Variants in U2SURP observed in about 807,000 individuals in gnomAD.
U2SURP encodes the protein U2 snRNP-associated SURP motif-containing protein.
Under a neutral mutation model 144.9 loss-of-function variants are expected in U2SURP, and 9 were observed. The ratio of observed to expected loss-of-function variants is 0.06; its 90% confidence interval spans 0.04 to 0.11. The LOEUF is 0.11. Ranked by LOEUF, U2SURP falls within the 10% of genes least tolerant of loss-of-function variation. The probability of loss-of-function intolerance (pLI) is 1.00; values close to 1 mark genes in which losing one functional copy is unlikely to be tolerated. For synonymous variants in U2SURP, 408 were observed against 396.8 expected (o/e 1.03, Z -0.33); for missense variants, 724 against 1,226.7 (o/e 0.59, Z 6.12).
At chr3:143,052,400 A>AAT (rs143163583) in intron 25 of U2SURP, among the ~76,000 whole-genome samples, 15 of 152,004 alleles carry the variant, frequency 9.9e-5, no homozygotes, top group East Asian at 3.9e-4. Context: ...CTGTCTAAAA[A>AAT]AATAATAATA....
At chr3:143,021,699 A>C (rs1202570993) in intron 10 of U2SURP, 144 bp downstream of exon 10, 1 of 745,844 alleles carries the variant, frequency 1.3e-6, no homozygotes. Flanking sequence ...GGTATGGCCC[A>C]GGTTGTCTTG....
chr3:143,007,935 T>G (rs1321169004), intron 1 of U2SURP, among the ~76,000 whole-genome samples: 1 of 152,220 alleles, frequency 6.6e-6, no homozygotes, highest in Non-Finnish European at 1.5e-5. Flanking sequence ...AAAATTGTGT[T>G]AACTGCTGTT....
intron 5 of U2SURP, 93 bp downstream of exon 5, chr3:143,016,464 T>G: frequency 8.9e-7 from 1 of 1,118,146 alleles, no homozygotes; most frequent in Admixed American, 2.4e-5. Context: ...AGGTAGATAA[T>G]TATGAAAGGA....
intron 4 of U2SURP, among the ~76,000 whole-genome samples, 156 bp from the exon 5 acceptor site, chr3:143,016,101 A>G (rs574595853): frequency 6.6e-5 from 10 of 152,272 alleles, no homozygotes; most frequent in African/African-American, 2.2e-4. Flanking sequence ...ATTAATTAAT[A>G]CTTAATATCT....
intron 24 of U2SURP, among the ~76,000 whole-genome samples, chr3:143,046,815 TTC>T: frequency 7.7e-6 from 1 of 130,716 alleles, no homozygotes; most frequent in South Asian, 2.6e-4. Context: ...TCATGGCCCG[TTC>T]TCAATGAGCT....
At chr3:143,004,252 G>A (rs886747151) in intron 1 of U2SURP, among the ~76,000 whole-genome samples, 1 of 151,512 alleles carries the variant, frequency 6.6e-6, no homozygotes, top group Non-Finnish European at 1.5e-5. Context: ...TAGACATTGG[G>A]AAAATGTTAA....
intron 20 of U2SURP, 122 bp downstream of exon 20, chr3:143,036,226 C>G (rs1261621278): frequency 1.8e-6 from 2 of 1,101,278 alleles, no homozygotes; most frequent in Non-Finnish European, 2.4e-6. Context: ...TATTGCTTAC[C>G]ATTAAGTAGT....
chr3:143,053,592 G>T (rs1398812384), intron 25 of U2SURP, 84 bp from the exon 26 acceptor site: 3 of 932,688 alleles, frequency 3.2e-6, no homozygotes, highest in African/African-American at 3.3e-5. Flanking sequence ...ATTATTTCCT[G>T]TAAGAGAAGA....
chr3:143,034,657 A>C (rs1344253111), intron 18 of U2SURP: 1 of 337,166 alleles, frequency 3.0e-6, no homozygotes, highest in African/African-American at 2.1e-5. Context: ...TCTTGCTCGT[A>C]AAGGGAACTA....
At chr3:143,055,173 C>T (rs951214560) in intron 27 of U2SURP, 54 bp downstream of exon 27, 145 of 1,388,272 alleles carry the variant, frequency 1.0e-4, no homozygotes, top group Middle Eastern at 7.7e-4. Context: ...CTTGTCATTT[C>T]ATCAGCTTTT....
intron 6 of U2SURP, among the ~76,000 whole-genome samples, chr3:143,018,646 A>G (rs942593422): frequency 6.6e-6 from 1 of 151,912 alleles, no homozygotes; most frequent in African/African-American, 2.4e-5. Context: ...CAGTTTTTCC[A>G]AAGTGGTTGT....
At chr3:143,017,936 A>G (rs761533426) in intron 6 of U2SURP, among the ~76,000 whole-genome samples, 1 of 151,276 alleles carries the variant, frequency 6.6e-6, no homozygotes, top group Non-Finnish European at 1.5e-5. Flanking sequence ...TAAAGTATAC[A>G]GTTGACTAGG....
intron 18 of U2SURP, chr3:143,034,644 G>A (rs1184500876): frequency 3.4e-6 from 1 of 293,976 alleles, no homozygotes; most frequent in Non-Finnish European, 6.3e-6. Flanking sequence ...TAGATATAAC[G>A]TTTCTTGCTC....
chr3:143,055,450 A>G (rs1217298189), intron 27 of U2SURP, among the ~76,000 whole-genome samples: 1 of 152,188 alleles, frequency 6.6e-6, no homozygotes, highest in Non-Finnish European at 1.5e-5. Flanking sequence ...CAAAGCTGAA[A>G]GAAACACACA....
intron 10 of U2SURP, 61 bp from the exon 11 acceptor site, chr3:143,022,436 T>A (rs1234043956): frequency 7.1e-7 from 1 of 1,413,652 alleles, no homozygotes; most frequent in Admixed American, 2.4e-5. Context: ...CTTTGTTTTC[T>A]GAAAATAATT....
chr3:143,001,593 G>C lies in U2SURP; in HGVS notation c.-36G>C. ...CTCTTTCGGTGCTCGACTCGCCCGT[G>C]CTGCTGCCGCCGCCGAAGGAGGGGC... On this transcript the variant is annotated 5_prime_UTR_variant, in exon 1 of 28. Transcript: ENST00000473835. 6.2e-7 allele frequency: 1 copy of C among 1,612,844 alleles called. No homozygotes were observed. Among genetic ancestry groups the C allele is most frequent in the Non-Finnish European group, 8.5e-7 (1 of 1,179,538 alleles).
intron 26 of U2SURP, among the ~76,000 whole-genome samples, chr3:143,054,594 T>C (rs1379059077): frequency 4.6e-5 from 7 of 152,230 alleles, no homozygotes; most frequent in Non-Finnish European, 8.8e-5. Context: ...CCTCCAACCA[T>C]TTAAGAATAA....
intron 2 of U2SURP, among the ~76,000 whole-genome samples, chr3:143,011,083 G>T: frequency 6.7e-6 from 1 of 148,582 alleles, no homozygotes; most frequent in South Asian, 2.1e-4. Flanking sequence ...ATTTCCTTAT[G>T]ATTTTTATTG....
intron 6 of U2SURP, among the ~76,000 whole-genome samples, chr3:143,017,861 C>G (rs1044576695): frequency 6.6e-6 from 1 of 151,712 alleles, no homozygotes; most frequent in African/African-American, 2.4e-5. Context: ...TGGACTCAAG[C>G]GATTTGCCCA....
Sources: allele counts gnomAD v4.1 joint callset (sites outside exome capture counted in the v4.1 genomes callset), GRCh38; gene constraint gnomAD v4.1.1; transcripts MANE v1.5; gene names NCBI Gene and HGNC (gene_info 2026-07-23, HGNC 2026-07-21).